The following AGTR1 variants were observed in gnomAD, a reference collection of about 807,000 sequenced individuals.
The protein encoded by AGTR1 is angiotensin II receptor type 1, also known as type-1 angiotensin II receptor.
AGTR1 carries 16 observed loss-of-function variants against 19.4 expected under a neutral mutation model. The ratio of observed to expected loss-of-function variants is 0.82; its 90% CI spans 0.56 to 1.25. AGTR1 has a LOEUF of 1.25. Ranked by LOEUF, AGTR1 falls within the 50% of genes most tolerant of loss-of-function variation. The probability of loss-of-function intolerance (pLI) is 0.00; values close to 1 mark genes in which losing one functional copy is unlikely to be tolerated. For synonymous variants in AGTR1, 153 were observed against 154.9 expected, an observed-to-expected ratio of 0.99 and a Z score of 0.09; for missense variants, 373 against 431.9, an observed-to-expected ratio of 0.86 and a Z score of 1.21.
chr3:148,702,933 T>A (rs1385716335), intron 1 of AGTR1, among the ~76,000 whole-genome samples: 1 of 152,190 alleles, frequency 6.6e-6, no homozygotes, highest in Non-Finnish European at 1.5e-5. Context: ...TTACACACAA[T>A]GACAAATTTG....
intron 2 of AGTR1, among the ~76,000 whole-genome samples, chr3:148,739,177 G>A (rs1198782486): frequency 6.6e-6 from 1 of 152,102 alleles, no homozygotes; most frequent in Non-Finnish European, 1.5e-5. Flanking sequence ...TGGCCAACAT[G>A]GCAAAACCCC....
rs12695899 is a variant in AGTR1 at position 148,728,120 on chromosome 3, G to A, written c.-47-12869G>A. On this transcript the variant is annotated intron_variant, in intron 2 of 2. Transcript: ENST00000349243. ...GAGAGGCACTAGACTGGAGTATAAA[G>A]AGATGACCATGCCAAAAAGTAAAAA... 9.0e-3 allele frequency among the ~76,000 whole-genome samples: 1,374 copies of A among 152,256 alleles called. 25 individuals are homozygous for A. The highest frequency in any genetic ancestry group is 0.032 in the African/African-American group (1,317 of 41,542).
intron 2 of AGTR1, among the ~76,000 whole-genome samples, chr3:148,719,498 T>G (rs924839472): frequency 4.6e-5 from 7 of 152,330 alleles, no homozygotes; most frequent in Middle Eastern, 6.8e-3. Context: ...TGTACACAGT[T>G]TTGCCTCACT....
At position 148,742,497 on chromosome 3, in the gene AGTR1, T is replaced by C. The variant is rs1029046054; in HGVS notation, c.*382T>C. On this transcript the variant is annotated 3_prime_UTR_variant, in exon 3 of 3. Transcript: ENST00000349243. ...AAATCGTTAGAGGAGCAACAGGAGA[T>C]GAGAGTTCCAGATTGTTCTGTCCAG... The C allele has an allele frequency of 2.7e-6, 1 of 365,204 alleles. No individual in the cohort carries two copies. The highest frequency in any genetic ancestry group is 5.5e-6 in the Non-Finnish European group (1 of 181,354). 22.6% of individuals were successfully genotyped at this position (365,204 alleles called of 1,614,324 possible). A position where few individuals can be genotyped will look rare whatever the true frequency, so the allele number is the denominator to read the frequency against.
At chr3:148,706,498 T>G (rs1022468994) in intron 1 of AGTR1, among the ~76,000 whole-genome samples, 3 of 151,992 alleles carry the variant, frequency 2.0e-5, no homozygotes, top group Non-Finnish European at 2.9e-5. Context: ...TAATTAAAAA[T>G]ACTGATGAAT....
At chr3:148,711,983 C>T (rs1217159171) in intron 2 of AGTR1, among the ~76,000 whole-genome samples, 1 of 152,048 alleles carries the variant, frequency 6.6e-6, no homozygotes, top group Non-Finnish European at 1.5e-5. Context: ...AACCCCCAGC[C>T]TCAAGTGATC....
chr3:148,704,241 C>G (rs12721282), intron 1 of AGTR1, among the ~76,000 whole-genome samples: 1,680 of 151,808 alleles, frequency 0.011, 34 homozygotes, highest in African/African-American at 0.039. Context: ...TAGTTGGGAC[C>G]TGTAGTCCCA....
intron 2 of AGTR1, among the ~76,000 whole-genome samples, chr3:148,723,535 T>A (rs1490447076): frequency 6.6e-6 from 1 of 152,180 alleles, no homozygotes; most frequent in African/African-American, 2.4e-5. Context: ...TTCACTCACA[T>A]AGAGACTTCA....
intron 1 of AGTR1, among the ~76,000 whole-genome samples, chr3:148,699,486 C>T (rs1227346964): frequency 2.0e-5 from 3 of 152,144 alleles, no homozygotes; most frequent in Non-Finnish European, 4.4e-5. Context: ...GCCCTGGTAC[C>T]TTCTCCTTCC....
intron 1 of AGTR1, among the ~76,000 whole-genome samples, chr3:148,706,275 A>T (rs1216528535): frequency 3.9e-5 from 6 of 151,924 alleles, no homozygotes; most frequent in African/African-American, 1.4e-4. Context: ...CACGGTCATG[A>T]TATTTTATAG....
At chr3:148,726,691 A>G (rs763032997) in intron 2 of AGTR1, among the ~76,000 whole-genome samples, 14 of 151,954 alleles carry the variant, frequency 9.2e-5, no homozygotes, top group Non-Finnish European at 4.4e-5. Flanking sequence ...TTTACCCCCA[A>G]TTATGCGGGA....
chr3:148,706,233 A>G lies in AGTR1; in HGVS notation c.-131-1711A>G, dbSNP rs558195918. Among the ~76,000 whole-genome samples, 4 of 152,028 alleles carry G rather than the reference A, an allele frequency of 2.6e-5. No individual in the cohort carries two copies. In the East Asian group the frequency reaches 7.7e-4, roughly 29 times the overall value. On this transcript the variant is annotated intron_variant, in intron 1 of 2. Transcript: ENST00000349243. Reference sequence around the variant, plus strand: ...CTGTCATTTTTTTTTCCTGTGGTACACTAGTGTCTCACAAAGAGTCCACAG... The same window carrying G: ...CTGTCATTTTTTTTTCCTGTGGTACGCTAGTGTCTCACAAAGAGTCCACAG...
At chr3:148,699,212 C>G (rs1304631499) in intron 1 of AGTR1, among the ~76,000 whole-genome samples, 1 of 152,128 alleles carries the variant, frequency 6.6e-6, no homozygotes, top group African/African-American at 2.4e-5. Context: ...ATTTGGCACC[C>G]TATTGATCTA....
intron 2 of AGTR1, among the ~76,000 whole-genome samples, chr3:148,738,829 A>G (rs1009049158): frequency 1.3e-5 from 2 of 152,174 alleles, no homozygotes; most frequent in African/African-American, 4.8e-5. Flanking sequence ...ATGTGATTTC[A>G]CAGAAATTAG....
At chr3:148,710,882 G>A (rs577096663) in intron 2 of AGTR1, among the ~76,000 whole-genome samples, 1 of 152,108 alleles carries the variant, frequency 6.6e-6, no homozygotes, top group Admixed American at 6.5e-5. Flanking sequence ...TTCTTGCTCT[G>A]AAACTGTGAC....
At position 148,720,821 on chromosome 3, in the gene AGTR1, G is replaced by A. The variant is rs78269520; in HGVS notation, c.-48+12794G>A. Among the ~76,000 whole-genome samples the A allele has an allele frequency of 7.2e-5, 11 of 152,176 alleles. No individual in the cohort carries two copies. In the East Asian group the frequency reaches 2.1e-3, roughly 29 times the overall value. On this transcript the variant is annotated intron_variant, in intron 2 of 2. Coordinates refer to ENST00000349243, the MANE Select transcript of AGTR1 (RefSeq NM_000685.5). ...ATGTTAATGTACTGATTATAACTAA[G>A]TGAATTCCATATATTTATAATTGTG...
intron 1 of AGTR1, among the ~76,000 whole-genome samples, chr3:148,700,271 C>T (rs1712261431): frequency 6.6e-6 from 1 of 152,068 alleles, no homozygotes; most frequent in Non-Finnish European, 1.5e-5. Context: ...TTCCCCTATG[C>T]TAGAGGGAAA....
chr3:148,736,690 C>T (rs7630821), intron 2 of AGTR1, among the ~76,000 whole-genome samples: 7,286 of 152,230 alleles, frequency 0.048, 187 homozygotes, highest in African/African-American at 0.06. Flanking sequence ...CAGAGCCACA[C>T]AGATTTGTAC....
intron 2 of AGTR1, among the ~76,000 whole-genome samples, chr3:148,725,276 A>G (rs993772310): frequency 3.9e-5 from 6 of 152,226 alleles, no homozygotes; most frequent in Non-Finnish European, 8.8e-5. Flanking sequence ...TCCAACATAA[A>G]GTTAACTTAA....
Sources: gnomAD v4.1 joint callset for allele counts (sites outside exome capture counted in the v4.1 genomes callset) on GRCh38, gnomAD v4.1.1 for gene constraint, MANE v1.5 for transcripts, NCBI Gene and HGNC (gene_info 2026-07-23, HGNC 2026-07-21) for gene names.